The following TMEM120B variants were observed in gnomAD, a reference collection of about 807,000 sequenced individuals.
TMEM120B encodes the protein transmembrane protein 120B.
A neutral mutation model predicts 55.5 loss-of-function variants in TMEM120B; 31 were observed. That is an observed-to-expected ratio of 0.56 (90% CI 0.42 to 0.75). The LOEUF (loss-of-function observed/expected upper bound fraction) is 0.75, where lower values mean the gene tolerates loss of function less well. Among genes scored for constraint, TMEM120B ranks in the 30% least tolerant of loss-of-function variants. The probability of loss-of-function intolerance (pLI) is 0.00; values close to 1 mark genes in which losing one functional copy is unlikely to be tolerated. For missense variants in TMEM120B, 399 were observed against 425.5 expected (o/e 0.94, Z 0.55); for synonymous variants, 203 against 176.3 (o/e 1.15, Z -1.20).
At chr12:121,751,036 A>C (rs1592938546) in intron 4 of TMEM120B, among the ~76,000 whole-genome samples, 1 of 53,124 alleles carries the variant, frequency 1.9e-5, no homozygotes, top group African/African-American at 7.3e-5. Flanking sequence ...CCACACCCCA[A>C]ACTGACACCC....
At chr12:121,744,593 C>T (rs1873028331) in intron 2 of TMEM120B, among the ~76,000 whole-genome samples, 1 of 152,156 alleles carries the variant, frequency 6.6e-6, no homozygotes, top group South Asian at 2.1e-4. Flanking sequence ...GTTCCCAAGG[C>T]CTGGATCGTG....
intron 9 of TMEM120B, among the ~76,000 whole-genome samples, 194 bp from the exon 10 acceptor site, chr12:121,774,464 A>T (rs1284751235): frequency 6.6e-6 from 1 of 152,228 alleles, no homozygotes. Context: ...GAGAGCAGTC[A>T]GGCCAGGTGA....
chr12:121,742,625 G>A (rs1402798641), intron 1 of TMEM120B, among the ~76,000 whole-genome samples: 1 of 151,622 alleles, frequency 6.6e-6, no homozygotes, highest in African/African-American at 2.4e-5. Flanking sequence ...TCATACTTTC[G>A]CCCAGGCTGG....
chr12:121,714,370 C>T (rs1206526096), intron 1 of TMEM120B, among the ~76,000 whole-genome samples: 1 of 152,102 alleles, frequency 6.6e-6, no homozygotes, highest in African/African-American at 2.4e-5. Context: ...CATTCTCTGC[C>T]TCAGCCTCCT....
At chr12:121,741,065 C>T (rs1297005560) in intron 1 of TMEM120B, among the ~76,000 whole-genome samples, 2 of 151,994 alleles carry the variant, frequency 1.3e-5, no homozygotes, top group Admixed American at 1.3e-4. Flanking sequence ...TTTCACACAC[C>T]ACGAAAGATT....
intron 5 of TMEM120B, among the ~76,000 whole-genome samples, chr12:121,757,373 ACT>A (rs1873510528): frequency 6.6e-6 from 1 of 151,170 alleles, no homozygotes; most frequent in African/African-American, 2.4e-5. Flanking sequence ...ACAGAGTCTC[ACT>A]CTGTCTCCGA....
chr12:121,718,809 GT>G (rs1894745653), intron 1 of TMEM120B, among the ~76,000 whole-genome samples: 1 of 152,156 alleles, frequency 6.6e-6, no homozygotes, highest in South Asian at 2.1e-4. Context: ...CCAAAAGAGG[GT>G]TTATTGAGTC....
rs557754384 is a variant in TMEM120B, at chr12:121,735,618, C to T, written c.70-8011C>T. Among the ~76,000 whole-genome samples, 16 of 151,406 alleles carry T rather than the reference C, an allele frequency of 1.1e-4. No individual in the cohort carries two copies. In the South Asian group the frequency reaches 2.1e-3, roughly 20 times the overall value. ...TTCACAATGTTGGCCAGGATGGCCTCGATCTGTTGACTTTGTGATCCGCCT... is the reference window on the plus strand; with the variant it reads ...TTCACAATGTTGGCCAGGATGGCCTTGATCTGTTGACTTTGTGATCCGCCT... On this transcript the variant is annotated intron_variant, in intron 1 of 11. Coordinates refer to ENST00000449592, the MANE Select transcript of TMEM120B (RefSeq NM_001080825.2).
In TMEM120B at chr12:121,770,888, GT is replaced by G; in HGVS notation, c.552-17del. The G allele has an allele frequency of 6.2e-7, 1 of 1,613,672 alleles. No individual in the cohort carries two copies. ...TGCTCTCCCCTCCTGAGCACTTTCC[GT>G]TCTCTCCCTCTCCCGAGAATTAAAG... On this transcript the variant is annotated intron_variant, in intron 6 of 11. Coordinates refer to ENST00000449592, the MANE Select transcript of TMEM120B (RefSeq NM_001080825.2).
At position 121,781,809 on chromosome 12, in the gene TMEM120B, A is replaced by AGGAGGAG. The variant is rs1874468391; in HGVS notation, c.*6090_*6096dup. 6.5e-6 allele frequency: 1 copy of AGGAGGAG among 153,212 alleles called. No homozygotes were observed. Among genetic ancestry groups the AGGAGGAG allele is most frequent in the African/African-American group, 2.4e-5 (1 of 41,410 alleles). 9.5% of individuals were successfully genotyped at this position (153,212 alleles called of 1,614,324 possible). ...TTCCCTGCCTATTCTTGCAAGCACT[A>AGGAGGAG]GGAGGAGGGTGGTGGGTTGCTGGGA... On this transcript the variant is annotated 3_prime_UTR_variant, in exon 12 of 12. Coordinates refer to ENST00000449592, the MANE Select transcript of TMEM120B (RefSeq NM_001080825.2).
In TMEM120B at chr12:121,774,685, G is replaced by A; in HGVS notation, c.800G>A (p.Gly267Asp). The A allele has an allele frequency of 6.2e-7, 1 of 1,613,978 alleles. No homozygotes were observed. The highest frequency in any genetic ancestry group is 8.5e-7 in the Non-Finnish European group (1 of 1,179,908). ...GGGTTCCAGTCCTGGATGTGGCGGGGCCTCACCTTTCTCCTGCCCTTCCTC... is the reference window on the plus strand; with the variant it reads ...GGGTTCCAGTCCTGGATGTGGCGGGACCTCACCTTTCTCCTGCCCTTCCTC... ...VEGFQSWMWR[G>D]LTFLLPFLFC... Residue 267 changes from glycine to aspartate, a missense_variant, in exon 10 of 12, where the codon GGC (glycine) becomes GAC (aspartate). This residue lies in a region of TMEM120B where 260 missense variants were observed against 303.9 expected (regional missense o/e 0.86). Transcript: ENST00000449592.
chr12:121,748,524 C>A, intron 3 of TMEM120B, 82 bp downstream of exon 3: 1 of 891,350 alleles, frequency 1.1e-6, no homozygotes, highest in Non-Finnish European at 1.7e-6. Flanking sequence ...TCTCGCCTTC[C>A]TGCTGGTGCT....
intron 1 of TMEM120B, among the ~76,000 whole-genome samples, chr12:121,714,891 G>A (rs1894670375): frequency 6.6e-6 from 1 of 151,978 alleles, no homozygotes; most frequent in Non-Finnish European, 1.5e-5. Context: ...TGTCTTACTG[G>A]GCTCGGAGGT....
chr12:121,726,317 C>T (rs550222267), intron 1 of TMEM120B, among the ~76,000 whole-genome samples: 194 of 152,114 alleles, frequency 1.3e-3, no homozygotes, highest in Middle Eastern at 0.01. Flanking sequence ...CAGTGGCTCA[C>T]GCCTGTAATC....
intron 4 of TMEM120B, among the ~76,000 whole-genome samples, chr12:121,751,116 C>A (rs1475256065): frequency 3.6e-5 from 5 of 137,900 alleles, no homozygotes; most frequent in Non-Finnish European, 7.9e-5. Flanking sequence ...ACCCCAAACC[C>A]AAACCCACAC....
In TMEM120B at chr12:121,732,202, G is replaced by A. The variant is rs551414068; in HGVS notation, c.70-11427G>A. ...AAATGAATTGATGACCTTTCCCACTGCTTGTGAGGCTGGCACAAGGGTGGA... is the reference window on the plus strand; with the variant it reads ...AAATGAATTGATGACCTTTCCCACTACTTGTGAGGCTGGCACAAGGGTGGA... On this transcript the variant is annotated intron_variant, in intron 1 of 11. Transcript: ENST00000449592. Among the ~76,000 whole-genome samples the A allele has an allele frequency of 9.8e-5, 15 of 152,338 alleles. No individual in the cohort carries two copies. In the South Asian group the frequency reaches 1.7e-3, roughly 17 times the overall value.
Position 121,775,408 on chromosome 12 carries a change from C to T in TMEM120B, c.907-201C>T, listed in dbSNP as rs539064537. The T allele has an allele frequency of 9.1e-5, 89 of 983,268 alleles. 1 individual carries two copies. In the African/African-American group the frequency reaches 9.4e-4, roughly 10 times the overall value. 60.9% of individuals were successfully genotyped at this position (983,268 alleles called of 1,614,324 possible). On this transcript the variant is annotated intron_variant, in intron 11 of 11. Transcript: ENST00000449592. This position sits in a 1 kb window ranked among gnomAD's most constrained non-coding sequence, Gnocchi z 4.3. ...CCAATCTGTGGATCCCAAGGAGGTTCGCCCCATCGAGCCCTTCCCAGGCCC... is the reference window on the plus strand; with the variant it reads ...CCAATCTGTGGATCCCAAGGAGGTTTGCCCCATCGAGCCCTTCCCAGGCCC...
In TMEM120B at chr12:121,730,075, A is replaced by G. The variant is rs138858721; in HGVS notation, c.70-13554A>G. On this transcript the variant is annotated intron_variant, in intron 1 of 11. Coordinates refer to ENST00000449592, the MANE Select transcript of TMEM120B (RefSeq NM_001080825.2). ...GGAGATCGATACCATCCTGGCCAAC[A>G]TGGTGAAACCCCGTCTCTACTAAAA... Among the ~76,000 whole-genome samples the G allele has an allele frequency of 1.3e-5, 2 of 151,904 alleles. 1 individual carries two copies. Among genetic ancestry groups the G allele is most frequent in the Non-Finnish European group, 2.9e-5 (2 of 67,960 alleles).
At chr12:121,718,878 G>C (rs1894746478) in intron 1 of TMEM120B, among the ~76,000 whole-genome samples, 1 of 152,180 alleles carries the variant, frequency 6.6e-6, no homozygotes, top group East Asian at 1.9e-4. Context: ...GGTGATGTCT[G>C]TGTCTGTGTG....
Sources: gnomAD v4.1 joint callset for allele counts (sites outside exome capture counted in the v4.1 genomes callset) on GRCh38, gnomAD v4.1.1 for gene constraint, gnomAD v4.1.1 regional missense constraint, Gnocchi (gnomAD v3.1) non-coding constraint, MANE v1.5 for transcripts, NCBI Gene and HGNC (gene_info 2026-07-23, HGNC 2026-07-21) for gene names.